MMP28: variants seen among roughly 807,000 people sequenced by gnomAD.
MMP28 encodes the protein matrix metallopeptidase 28.
A neutral mutation model predicts 60.5 loss-of-function variants in MMP28; 55 were observed. The ratio of observed to expected loss-of-function variants is 0.91; its 90% confidence interval spans 0.73 to 1.14. MMP28 has a LOEUF of 1.14. Among genes scored for constraint, MMP28 ranks in the 50% most tolerant of loss-of-function variants. The probability of loss-of-function intolerance (pLI) is 0.00; values close to 1 mark genes in which losing one functional copy is unlikely to be tolerated. For synonymous variants in MMP28, 318 were observed against 312.5 expected (o/e 1.02, Z -0.18); for missense variants, 686 against 738.3 (o/e 0.93, Z 0.82).
At chr17:35,781,505 ACT>A (rs967459242) in intron 1 of MMP28, among the ~76,000 whole-genome samples, 2 of 152,008 alleles carry the variant, frequency 1.3e-5, no homozygotes, top group African/African-American at 4.8e-5. Flanking sequence ...GGTACCTTTG[ACT>A]CTGCCTACCC....
chr17:35,791,238 C>A (rs564444059), intron 1 of MMP28, among the ~76,000 whole-genome samples: 1 of 151,592 alleles, frequency 6.6e-6, no homozygotes, highest in South Asian at 2.1e-4. Flanking sequence ...CAGGGGTGGG[C>A]AAATAAAATT....
chr17:35,758,694 AAAAT>A (rs1483439250), intron 2 of MMP28, among the ~76,000 whole-genome samples: 3 of 152,088 alleles, frequency 2.0e-5, no homozygotes, highest in Non-Finnish European at 2.9e-5. Flanking sequence ...TCTATCTCAA[AAAAT>A]AAATAAAATA....
At chr17:35,791,976 T>G (rs1476973448) in intron 1 of MMP28, among the ~76,000 whole-genome samples, 1 of 152,062 alleles carries the variant, frequency 6.6e-6, no homozygotes, top group Admixed American at 6.6e-5. Context: ...CGCTGAGCTT[T>G]GTCACTCAGC....
chr17:35,778,595 A>G (rs538969128), intron 3 of MMP28: 2 of 524,626 alleles, frequency 3.8e-6, no homozygotes, highest in African/African-American at 3.8e-5. Context: ...AAATGTTAGC[A>G]ACAGTTTATC....
chr17:35,774,125 G>T (rs1030581763), intron 3 of MMP28, among the ~76,000 whole-genome samples: 3 of 152,128 alleles, frequency 2.0e-5, no homozygotes, highest in Non-Finnish European at 2.9e-5. Context: ...TTTGTTAAGG[G>T]TTTCTCTCCC....
intron 1 of MMP28, among the ~76,000 whole-genome samples, chr17:35,788,993 C>T (rs990682578): frequency 6.6e-6 from 1 of 152,138 alleles, no homozygotes; most frequent in Non-Finnish European, 1.5e-5. Context: ...TCTAGTTTTC[C>T]TAAGTTGCCC....
chr17:35,790,445 T>C (rs954282508), intron 1 of MMP28, among the ~76,000 whole-genome samples: 5 of 152,210 alleles, frequency 3.3e-5, no homozygotes, highest in African/African-American at 1.2e-4. Context: ...AAATTATTGA[T>C]ATGCACCTGA....
downstream of MMP28, among the ~76,000 whole-genome samples, chr17:35,761,725 A>G (rs1474256023): frequency 6.6e-6 from 1 of 152,186 alleles, no homozygotes; most frequent in Non-Finnish European, 1.5e-5. Context: ...AGCTTGGAAC[A>G]CGTCCCTCTA....
At position 35,770,055 on chromosome 17, in the gene MMP28, C is replaced by A; in HGVS notation, c.850+12G>T. The stretch of plus-strand genomic sequence containing the variant: ...AGTGGGACCAAGAGCGGGGCATGTC[C>A]CGGGGCCTCACCATACAGGCTCTGC... On this transcript the variant is annotated intron_variant, in intron 5 of 7. Transcript: ENST00000605424. The A allele has an allele frequency of 6.5e-7, 1 of 1,545,266 alleles. No individual in the cohort carries two copies. The highest frequency in any genetic ancestry group is 1.2e-5 in the South Asian group (1 of 80,404).
At chr17:35,769,979 A>G in intron 5 of MMP28, 88 bp downstream of exon 5, 1 of 1,429,092 alleles carries the variant, frequency 7.0e-7, no homozygotes. Flanking sequence ...TTAGGATGGG[A>G]AATCCTATTT....
intron 1 of MMP28, among the ~76,000 whole-genome samples, chr17:35,787,245 A>G (rs1555610700): frequency 6.6e-6 from 1 of 152,202 alleles, no homozygotes; most frequent in Non-Finnish European, 1.5e-5. Flanking sequence ...CATCACAGCC[A>G]GAACAGGTCG....
At chr17:35,768,109 T>C in intron 6 of MMP28, 121 bp downstream of exon 6, 1 of 1,374,848 alleles carries the variant, frequency 7.3e-7, no homozygotes, top group South Asian at 1.4e-5. Context: ...ACCTGCAGCG[T>C]GCTTGTGGCT....
In MMP28 at chr17:35,779,290, G is replaced by A. The variant is rs771642501; in HGVS notation, c.145C>T (p.Gln49Ter). 7 of 1,613,218 alleles carry A rather than the reference G, an allele frequency of 4.3e-6. No homozygotes were observed. In the African/African-American group the frequency reaches 8.0e-5, roughly 18 times the overall value. ...GTGGAGGTGGGAGCTTTGGGGACCT[G>A]TTCATTGAGGTATCCGTACTTCTCT... ...FLEKYGYLNE[Q>*]VPKAPTSTRF... The change falls in exon 2 of 8, where the codon CAG (glutamine) becomes TAG (stop). Residue 49 changes from glutamine to a stop codon, truncating the protein, a stop_gained. Coordinates refer to ENST00000605424, the MANE Select transcript of MMP28 (RefSeq NM_024302.5). LOFTEE classifies it high-confidence loss of function.
intron 3 of MMP28, 109 bp from the exon 4 acceptor site, chr17:35,773,513 T>C: frequency 1.0e-6 from 1 of 980,498 alleles, no homozygotes; most frequent in Non-Finnish European, 1.5e-6. Flanking sequence ...CAGCCCCTCG[T>C]CTGACGGGGA....
At chr17:35,782,927 C>T (rs1051274181) in intron 1 of MMP28, among the ~76,000 whole-genome samples, 1 of 152,120 alleles carries the variant, frequency 6.6e-6, no homozygotes, top group Non-Finnish European at 1.5e-5. Flanking sequence ...CCAGGGTTCA[C>T]GCCATTCTCC....
intron 7 of MMP28, chr17:35,767,173 T>C (rs2085973339): frequency 1.5e-6 from 1 of 674,106 alleles, no homozygotes; most frequent in Non-Finnish European, 2.7e-6. Context: ...TCATTACTAA[T>C]AATTCTATGA....
At chr17:35,786,794 C>T (rs75902039) in intron 1 of MMP28, among the ~76,000 whole-genome samples, 12,221 of 151,758 alleles carry the variant, frequency 0.081, 751 homozygotes, top group South Asian at 0.17. Flanking sequence ...CACAATAAGC[C>T]CAGGCAACTG....
rs36072015 is a variant in MMP28, at chr17:35,784,283, C to CAAA, written c.112-4963_112-4961dup. 8.8e-3 allele frequency among the ~76,000 whole-genome samples: 1,133 copies of CAAA among 128,378 alleles called. 15 individuals carry two copies. Among genetic ancestry groups the CAAA allele is most frequent in the African/African-American group, 0.029 (1,064 of 36,510 alleles). The allele number at this position is 128,378 out of a possible 152,430, so 84.2% of individuals were successfully genotyped here. A position where few individuals can be genotyped will look rare whatever the true frequency, so the allele number is the denominator to read the frequency against. On this transcript the variant is annotated intron_variant, in intron 1 of 7. Transcript: ENST00000605424. ...GGCAACAAGAGCAAGACTCCATTTC[C>CAAA]AAAAAAAAAAAAAGCACTGAAGTAT...
Position 35,770,151 on chromosome 17 carries a change from C to G in MMP28, c.766G>C (p.Ala256Pro). 1 of 1,607,428 alleles carries G rather than the reference C, an allele frequency of 6.2e-7. No homozygotes were observed. The highest frequency in any genetic ancestry group is 8.5e-7 in the Non-Finnish European group (1 of 1,177,900). ...CTCTTGTAGTAGGGCGCCATGAGCG[C>G]GCGCGGCGCGGGCGAGTGGGTGAGG... is the stretch of plus-strand genomic sequence containing the variant. The part of the protein sequence containing the change: ...LGLTHSPAPR[A>P]LMAPYYKRLG... The change falls in exon 5 of 8, where the codon GCG (alanine) becomes CCG (proline). Residue 256 changes from alanine to proline, a missense_variant. Coordinates refer to ENST00000605424, the MANE Select transcript of MMP28 (RefSeq NM_024302.5).
Sources: allele counts gnomAD v4.1 joint callset (sites outside exome capture counted in the v4.1 genomes callset), GRCh38; gene constraint gnomAD v4.1.1; transcripts MANE v1.5; gene names NCBI Gene and HGNC (gene_info 2026-07-23, HGNC 2026-07-21).